KDM4C: variants seen among roughly 807,000 people sequenced by gnomAD.
KDM4C encodes the protein lysine-specific demethylase 4C.
A neutral mutation model predicts 129.3 loss-of-function variants in KDM4C; 81 were observed. The ratio of observed to expected loss-of-function variants is 0.63; its 90% CI spans 0.52 to 0.75. KDM4C has a LOEUF of 0.75. Among genes scored for constraint, KDM4C ranks in the 30% least tolerant of loss-of-function variants. The probability of loss-of-function intolerance (pLI) is 0.00; values close to 1 mark genes in which losing one functional copy is unlikely to be tolerated. For missense variants in KDM4C, 1,457 were observed against 1,304.0 expected, an observed-to-expected ratio of 1.12 and a Z score of -1.81; for synonymous variants, 573 against 456.1, an observed-to-expected ratio of 1.26 and a Z score of -3.26.
intron 4 of KDM4C, chr9:6,835,076 T>C (rs1835635350): frequency 1.0e-6 from 1 of 984,142 alleles, no homozygotes; most frequent in South Asian, 1.3e-5. Flanking sequence ...TGGGATATCG[T>C]GCGTGACATC....
chr9:6,889,252 G>GTGTGTGTGTGTGTGT lies in KDM4C; in HGVS notation c.783+1189_783+1190insTGTGTGTGTGTGTGT, dbSNP rs747649175. 9.5e-4 allele frequency among the ~76,000 whole-genome samples: 71 copies of GTGTGTGTGTGTGTGT among 75,066 alleles called. 1 individual carries two copies. Among genetic ancestry groups the GTGTGTGTGTGTGTGT allele is most frequent in the South Asian group, 2.8e-3 (5 of 1,804 alleles). The allele number at this position is 75,066 out of a possible 152,430, so 49.2% of individuals were successfully genotyped here. A position where few individuals can be genotyped will look rare whatever the true frequency, so the allele number is the denominator to read the frequency against. Reference sequence around the variant, plus strand: ...GTGTGTGTGTGTGTGTGTGTGTGTGGGAGGGTGGGGGGGATTTGTTCAAAG... The same window carrying GTGTGTGTGTGTGTGT: ...GTGTGTGTGTGTGTGTGTGTGTGTGGTGTGTGTGTGTGTGTGAGGGTGGGGGGGATTTGTTCAAAG... On this transcript the variant is annotated intron_variant, in intron 7 of 21. Coordinates refer to ENST00000381309, the MANE Select transcript of KDM4C (RefSeq NM_015061.6).
chr9:6,822,566 T>C (rs1226032223), intron 4 of KDM4C, among the ~76,000 whole-genome samples: 1 of 152,222 alleles, frequency 6.6e-6, no homozygotes, highest in Non-Finnish European at 1.5e-5. Flanking sequence ...AAACAGTACA[T>C]ACACATAAGG....
chr9:6,862,023 T>C (rs139640197), intron 5 of KDM4C, among the ~76,000 whole-genome samples: 2,390 of 152,226 alleles, frequency 0.016, 71 homozygotes, highest in African/African-American at 0.054. Context: ...TCACCTGCTT[T>C]GGCCTCCCAA....
intron 4 of KDM4C, among the ~76,000 whole-genome samples, chr9:6,848,766 G>C (rs1382040822): frequency 2.6e-5 from 4 of 152,102 alleles, no homozygotes; most frequent in Non-Finnish European, 4.4e-5. Context: ...CCCTCGCTCT[G>C]CCATCACCAT....
intron 10 of KDM4C, among the ~76,000 whole-genome samples, chr9:6,985,482 A>G (rs971910213): frequency 1.3e-5 from 2 of 151,232 alleles, no homozygotes; most frequent in South Asian, 4.3e-4. Flanking sequence ...TAGAGATTGC[A>G]TAGGATGTTG....
rs142814079 is a variant in KDM4C at position 6,881,568 on chromosome 9, A to G, written c.679+1507A>G. On this transcript the variant is annotated intron_variant, in intron 6 of 21. Transcript: ENST00000381309. Reference sequence around the variant, plus strand: ...CCAGAGAACTTTTAAAATGAAGCCGATGTAAACCTTACAATATTGAGTCAC... The same window carrying G: ...CCAGAGAACTTTTAAAATGAAGCCGGTGTAAACCTTACAATATTGAGTCAC... Among the ~76,000 whole-genome samples, 276 of 152,344 alleles carry G rather than the reference A, an allele frequency of 1.8e-3. 2 individuals carry two copies. The highest frequency in any genetic ancestry group is 6.3e-3 in the African/African-American group (262 of 41,580).
At chr9:7,150,997 T>C (rs913581) in intron 19 of KDM4C, among the ~76,000 whole-genome samples, 128,527 of 152,172 alleles carry the variant, frequency 0.84, 54,559 homozygotes, top group African/African-American at 0.91. Context: ...GGGCTCATCA[T>C]TGGAGGGAAA....
chr9:6,924,862 T>G (rs1242310352), intron 8 of KDM4C: 13 of 984,450 alleles, frequency 1.3e-5, no homozygotes, highest in Non-Finnish European at 1.4e-5. Context: ...CACTATATAT[T>G]TTTTTCAATG....
intron 4 of KDM4C, among the ~76,000 whole-genome samples, chr9:6,825,774 C>T (rs920361436): frequency 8.5e-5 from 13 of 152,086 alleles, no homozygotes; most frequent in African/African-American, 2.7e-4. Flanking sequence ...AAATTTAAAA[C>T]AGTTTGAAAA....
intron 8 of KDM4C, among the ~76,000 whole-genome samples, chr9:6,936,298 C>T (rs1472602144): frequency 6.6e-6 from 1 of 152,156 alleles, no homozygotes; most frequent in Non-Finnish European, 1.5e-5. Flanking sequence ...TGCAGAACTG[C>T]ATGTCTATTT....
At chr9:6,965,672 T>G (rs1183198452) in intron 8 of KDM4C, among the ~76,000 whole-genome samples, 1 of 152,190 alleles carries the variant, frequency 6.6e-6, no homozygotes, top group Non-Finnish European at 1.5e-5. Context: ...AGAAGCAAAC[T>G]GATGTTCCAG....
intron 17 of KDM4C, among the ~76,000 whole-genome samples, chr9:7,085,192 C>G (rs909588240): frequency 6.6e-6 from 1 of 152,188 alleles, no homozygotes; most frequent in African/African-American, 2.4e-5. Flanking sequence ...AGCCCTGTGG[C>G]AGAGGAGGAG....
Position 7,099,358 on chromosome 9 carries a change from G to A in KDM4C, c.2425-4327G>A, listed in dbSNP as rs573259837. Among the ~76,000 whole-genome samples, 7 of 152,268 alleles carry A rather than the reference G, an allele frequency of 4.6e-5. No homozygotes were observed. The East Asian group carries it at 1.4e-3, about 29-fold the overall frequency. On this transcript the variant is annotated intron_variant, in intron 17 of 21. Transcript: ENST00000381309. ...GGCTGGATGCTCAAGGAAATCTAAT[G>A]ATATACAAAGCCTCATTGCCAGATA...
intron 4 of KDM4C, 36 bp downstream of exon 4, chr9:6,814,781 A>C: frequency 8.4e-5 from 110 of 1,310,822 alleles, no homozygotes; most frequent in Middle Eastern, 2.0e-4. Context: ...TGTAAAGATC[A>C]TTGGATGTGA....
In KDM4C at chr9:6,849,599, A is replaced by C. The variant is rs1445077054; in HGVS notation, c.528A>C (p.Pro176=). ...TTTCTATTGAGGGTGTAAATACCCC[A>C]TATCTCTATTTTGGCATGTGGAAGA... is the stretch of plus-strand genomic sequence containing the variant. The part of the protein sequence containing the change: ...CGISIEGVNT[P]YLYFGMWKTT... The change falls in exon 5 of 22, where the codon CCA becomes CCC. Residue 176 remains proline, a synonymous_variant. Transcript: ENST00000381309. 6.2e-7 allele frequency: 1 copy of C among 1,613,834 alleles called. No homozygotes were observed. The highest frequency in any genetic ancestry group is 8.5e-7 in the Non-Finnish European group (1 of 1,179,946).
At chr9:6,867,870 C>T (rs1051051027) in intron 5 of KDM4C, among the ~76,000 whole-genome samples, 3 of 152,136 alleles carry the variant, frequency 2.0e-5, no homozygotes, top group Non-Finnish European at 4.4e-5. Flanking sequence ...TAGCAGAACG[C>T]TTGTGGGCAA....
intron 5 of KDM4C, among the ~76,000 whole-genome samples, chr9:6,858,976 T>C (rs969859114): frequency 2.6e-5 from 4 of 152,158 alleles, no homozygotes; most frequent in South Asian, 2.1e-4. Flanking sequence ...GGAAAGTGGC[T>C]TTTTTCATGA....
intron 5 of KDM4C, among the ~76,000 whole-genome samples, chr9:6,878,481 G>A (rs1843916657): frequency 6.6e-6 from 1 of 152,162 alleles, no homozygotes; most frequent in Non-Finnish European, 1.5e-5. Flanking sequence ...AGGAGGAGAG[G>A]AATGAGGAGA....
intron 1 of KDM4C, among the ~76,000 whole-genome samples, chr9:6,767,105 TTTG>T (rs1820777968): frequency 6.6e-6 from 1 of 152,014 alleles, no homozygotes; most frequent in African/African-American, 2.4e-5. Context: ...TTTATCTCAT[TTTG>T]TTTTTTATCT....
Sources: gnomAD v4.1 joint callset for allele counts (sites outside exome capture counted in the v4.1 genomes callset) on GRCh38, gnomAD v4.1.1 for gene constraint, MANE v1.5 for transcripts, NCBI Gene and HGNC (gene_info 2026-07-23, HGNC 2026-07-21) for gene names.